Variants in DLC1 observed in about 807,000 individuals in gnomAD.
The protein encoded by DLC1 is DLC1 Rho GTPase activating protein.
A neutral mutation model predicts 140.3 loss-of-function variants in DLC1; 54 were observed. The observed-to-expected ratio is 0.38, with a 90% CI of 0.31 to 0.48. The LOEUF (loss-of-function observed/expected upper bound fraction) is 0.48, where lower values mean the gene tolerates loss of function less well. Among genes scored for constraint, DLC1 ranks in the 20% least tolerant of loss-of-function variants. DLC1 has a pLI of 0.96. For synonymous variants in DLC1, 986 were observed against 728.1 expected, an observed-to-expected ratio of 1.35 and a Z score of -5.70; for missense variants, 2,536 against 1,907.0, an observed-to-expected ratio of 1.33 and a Z score of -6.14.
At chr8:13,220,075 C>T (rs1033427063) in intron 5 of DLC1, among the ~76,000 whole-genome samples, 29 of 151,728 alleles carry the variant, frequency 1.9e-4, no homozygotes, top group African/African-American at 6.1e-4. Flanking sequence ...CCTTCTGGGG[C>T]GATTAAAATG....
chr8:13,514,705 T>A lies in DLC1; in HGVS notation c.-229A>T. 1 of 398,472 alleles carries A rather than the reference T, an allele frequency of 2.5e-6. No individual in the cohort carries two copies. Among genetic ancestry groups the A allele is most frequent in the Non-Finnish European group, 4.4e-6 (1 of 225,960 alleles). 24.7% of individuals were successfully genotyped at this position (398,472 alleles called of 1,614,324 possible). Reference sequence around the variant, plus strand: ...TTTCTCCAAAATCTAAGTTCCCATTTCGTGGTTGAGATCATGGCTCTATTC... The same window carrying A: ...TTTCTCCAAAATCTAAGTTCCCATTACGTGGTTGAGATCATGGCTCTATTC... On this transcript the variant is annotated 5_prime_UTR_variant, in exon 1 of 18. The change creates a premature stop within an existing upstream ORF in the 5' untranslated region. Coordinates refer to ENST00000276297, the MANE Select transcript of DLC1 (RefSeq NM_182643.3).
intron 4 of DLC1, among the ~76,000 whole-genome samples, chr8:13,393,191 A>G (rs952109298): frequency 3.9e-5 from 6 of 152,188 alleles, no homozygotes; most frequent in African/African-American, 7.2e-5. Context: ...CATTCATCAC[A>G]TCTTAGAGGA....
At chr8:13,256,931 A>T (rs1290033397) in intron 5 of DLC1, among the ~76,000 whole-genome samples, 1 of 151,900 alleles carries the variant, frequency 6.6e-6, no homozygotes, top group African/African-American at 2.4e-5. Flanking sequence ...GATACGCAGA[A>T]CTGCCTTGGA....
upstream of DLC1, among the ~76,000 whole-genome samples, chr8:13,518,471 A>G (rs562944342): frequency 6.6e-6 from 1 of 152,340 alleles, no homozygotes; most frequent in South Asian, 2.1e-4. Context: ...ATGATCATTT[A>G]TCTAGTCATT....
chr8:13,546,857 G>C (rs1803664794), intron 1 of DLC1, among the ~76,000 whole-genome samples: 1 of 152,076 alleles, frequency 6.6e-6, no homozygotes, highest in South Asian at 2.1e-4. Flanking sequence ...TCTCTAGAAT[G>C]CTGTATATTG....
chr8:13,187,340 A>G (rs1826441076), intron 5 of DLC1, among the ~76,000 whole-genome samples: 1 of 152,164 alleles, frequency 6.6e-6, no homozygotes, highest in Non-Finnish European at 1.5e-5. Flanking sequence ...TAGGTGCTCA[A>G]TAGATATTTG....
At chr8:13,212,548 C>T (rs1199519946) in intron 5 of DLC1, among the ~76,000 whole-genome samples, 1 of 151,974 alleles carries the variant, frequency 6.6e-6, no homozygotes. Context: ...TTGCTCTGGG[C>T]ACTCATTATG....
intron 5 of DLC1, among the ~76,000 whole-genome samples, chr8:13,196,958 C>G (rs548021026): frequency 1.1e-4 from 16 of 152,276 alleles, no homozygotes; most frequent in Non-Finnish European, 2.1e-4. Context: ...TTGGGTCTTT[C>G]TTGATGTCTT....
At chr8:13,532,127 A>C (rs1803118865) in intron 1 of DLC1, among the ~76,000 whole-genome samples, 1 of 152,218 alleles carries the variant, frequency 6.6e-6, no homozygotes, top group South Asian at 2.1e-4. Flanking sequence ...AGAAGAGGCC[A>C]GGCTCAGTGG....
At chr8:13,282,037 A>C (rs1431565991) in intron 5 of DLC1, among the ~76,000 whole-genome samples, 1 of 152,128 alleles carries the variant, frequency 6.6e-6, no homozygotes, top group Admixed American at 6.6e-5. Flanking sequence ...GGGTGGGAGA[A>C]GTGGATATCA....
chr8:13,316,858 T>C (rs1280110526), intron 4 of DLC1, among the ~76,000 whole-genome samples: 2 of 152,182 alleles, frequency 1.3e-5, no homozygotes, highest in African/African-American at 4.8e-5. Context: ...AAATAGTCCC[T>C]GTATAACTAA....
intron 7 of DLC1, among the ~76,000 whole-genome samples, chr8:13,107,131 A>G: frequency 6.6e-6 from 1 of 152,248 alleles, no homozygotes; most frequent in East Asian, 1.9e-4. Context: ...TGTGAATGTA[A>G]AAATGCTGGT....
chr8:13,255,134 G>A (rs1586013207), intron 5 of DLC1, among the ~76,000 whole-genome samples: 1 of 152,070 alleles, frequency 6.6e-6, no homozygotes, highest in South Asian at 2.1e-4. Flanking sequence ...GTGCCACCAC[G>A]CCCAGCTAAC....
At chr8:13,357,516 A>C (rs1233337521) in intron 4 of DLC1, among the ~76,000 whole-genome samples, 1 of 152,230 alleles carries the variant, frequency 6.6e-6, no homozygotes, top group Non-Finnish European at 1.5e-5. Context: ...AGGTCAGTGA[A>C]GTTAAGCCTG....
intron 1 of DLC1, chr8:13,567,272 A>G: frequency 1.3e-6 from 2 of 1,551,794 alleles, no homozygotes; most frequent in Non-Finnish European, 1.7e-6. Context: ...CTCAAGCTCA[A>G]AGACTCTAAC....
At chr8:13,309,977 T>C (rs76911530) in intron 4 of DLC1, among the ~76,000 whole-genome samples, 7,770 of 152,322 alleles carry the variant, frequency 0.051, 246 homozygotes, top group South Asian at 0.12. Flanking sequence ...TAATTTTCTT[T>C]AATGTGTTAT....
chr8:13,578,021 A>T (rs1038749028), intron 1 of DLC1, among the ~76,000 whole-genome samples: 9 of 150,554 alleles, frequency 6.0e-5, no homozygotes, highest in Non-Finnish European at 1.0e-4. Context: ...AAAAAAAAAA[A>T]GTGTAATTCC....
At chr8:13,346,123 T>G (rs2117008012) in intron 4 of DLC1, among the ~76,000 whole-genome samples, 1 of 152,326 alleles carries the variant, frequency 6.6e-6, no homozygotes, top group South Asian at 2.1e-4. Context: ...AGAAAAGCTC[T>G]TCAGAAATTA....
At chr8:13,592,493 C>A (rs1366091693) in intron 1 of DLC1, among the ~76,000 whole-genome samples, 1 of 151,914 alleles carries the variant, frequency 6.6e-6, no homozygotes, top group Non-Finnish European at 1.5e-5. Context: ...GTGTTCTTTT[C>A]CATCCAAAAC....
Sources: gnomAD v4.1 joint callset for allele counts (sites outside exome capture counted in the v4.1 genomes callset) on GRCh38, gnomAD v4.1.1 for gene constraint, MANE v1.5 for transcripts, NCBI Gene and HGNC (gene_info 2026-07-23, HGNC 2026-07-21) for gene names.